CTNNA3: variants seen among roughly 807,000 people sequenced by gnomAD.
CTNNA3 encodes the protein catenin alpha-3.
CTNNA3 carries 76 observed loss-of-function variants against 95.7 expected under a neutral mutation model. The ratio of observed to expected loss-of-function variants is 0.79; its 90% CI spans 0.66 to 0.96. The LOEUF (loss-of-function observed/expected upper bound fraction) is 0.96, where lower values mean the gene tolerates loss of function less well. Among genes scored for constraint, CTNNA3 ranks in the 40% least tolerant of loss-of-function variants. CTNNA3 has a pLI of 0.00. For missense variants in CTNNA3, 1,191 were observed against 1,089.8 expected (o/e 1.09, Z -1.31); for synonymous variants, 431 against 374.4 (o/e 1.15, Z -1.74).
chr10:66,932,332 G>A (rs755328854), intron 7 of CTNNA3, among the ~76,000 whole-genome samples: 7 of 152,076 alleles, frequency 4.6e-5, no homozygotes, highest in Non-Finnish European at 1.0e-4. Flanking sequence ...AACTCAAATC[G>A]TTTATTTAAA....
At position 66,927,741 on chromosome 10, in the gene CTNNA3, G is replaced by A; in HGVS notation, c.1048-152217C>T. 3.1e-6 allele frequency: 5 copies of A among 1,614,180 alleles called. No individual in the cohort carries two copies. The highest frequency in any genetic ancestry group is 4.2e-6 in the Non-Finnish European group (5 of 1,180,024). Reference sequence around the variant, plus strand: ...CTTTCAGTGGACCCAGTGTTTTCCAGTGTGTCCCGAATCTGCAGCGCCTCA... The same window carrying A: ...CTTTCAGTGGACCCAGTGTTTTCCAATGTGTCCCGAATCTGCAGCGCCTCA... On this transcript the variant is annotated intron_variant, in intron 7 of 17. Transcript: ENST00000433211. This position sits in a 1 kb window ranked among gnomAD's most constrained non-coding sequence, Gnocchi z 4.7.
chr10:67,468,451 T>G (rs1847688566), intron 5 of CTNNA3, among the ~76,000 whole-genome samples: 1 of 152,178 alleles, frequency 6.6e-6, no homozygotes, highest in Non-Finnish European at 1.5e-5. Context: ...TGTAGACATG[T>G]GACCACATAT....
At chr10:66,556,393 C>G (rs117811792) in intron 10 of CTNNA3, among the ~76,000 whole-genome samples, 1 of 151,914 alleles carries the variant, frequency 6.6e-6, no homozygotes, top group Admixed American at 6.6e-5. Flanking sequence ...ATCAGTATCG[C>G]GAAGAGATTT....
intron 10 of CTNNA3, among the ~76,000 whole-genome samples, chr10:66,613,316 T>C (rs563775349): frequency 5.0e-4 from 76 of 152,026 alleles, no homozygotes; most frequent in Non-Finnish European, 7.8e-4. Context: ...GCCTTAAAAT[T>C]CTTATTTCTC....
chr10:66,188,315 C>T (rs61285689), intron 13 of CTNNA3, among the ~76,000 whole-genome samples: 21,116 of 151,932 alleles, frequency 0.14, 2,430 homozygotes, highest in African/African-American at 0.32. Flanking sequence ...ACATTTGATT[C>T]CTAGACTTAT....
At chr10:66,458,956 A>T (rs2093511545) in intron 11 of CTNNA3, among the ~76,000 whole-genome samples, 1 of 152,070 alleles carries the variant, frequency 6.6e-6, no homozygotes, top group South Asian at 2.1e-4. Context: ...CTTGAACAAC[A>T]TGGGTCTGAA....
At chr10:67,046,374 A>G (rs899706197) in intron 7 of CTNNA3, among the ~76,000 whole-genome samples, 5 of 152,184 alleles carry the variant, frequency 3.3e-5, no homozygotes, top group Non-Finnish European at 5.9e-5. Context: ...ACAGCTTTTG[A>G]TCACTCAGTT....
chr10:67,622,300 TTATAAGAGA>T (rs1319056283), intron 2 of CTNNA3, among the ~76,000 whole-genome samples: 1 of 152,174 alleles, frequency 6.6e-6, no homozygotes, highest in African/African-American at 2.4e-5. Context: ...CACAATCAGT[TTATAAGAGA>T]ACAATTATAT....
At chr10:67,653,922 T>G (rs1244619609) in intron 1 of CTNNA3, among the ~76,000 whole-genome samples, 1 of 152,200 alleles carries the variant, frequency 6.6e-6, no homozygotes, top group Non-Finnish European at 1.5e-5. Context: ...AGTGCCTATG[T>G]TGGCCTCTTC....
At chr10:66,190,509 T>A (rs1322290837) in intron 13 of CTNNA3, among the ~76,000 whole-genome samples, 1 of 152,166 alleles carries the variant, frequency 6.6e-6, no homozygotes, top group Non-Finnish European at 1.5e-5. Flanking sequence ...TTAATCTATT[T>A]AGTAGATTAA....
chr10:66,658,624 G>A (rs572473055), intron 9 of CTNNA3, among the ~76,000 whole-genome samples: 15 of 152,212 alleles, frequency 9.9e-5, no homozygotes, highest in Non-Finnish European at 1.9e-4. Flanking sequence ...AGTAAAAAGC[G>A]GAAAAAAGAA....
intron 1 of CTNNA3, among the ~76,000 whole-genome samples, chr10:67,687,966 C>T (rs965063341): frequency 6.6e-6 from 1 of 152,182 alleles, no homozygotes; most frequent in Non-Finnish European, 1.5e-5. Flanking sequence ...GAATTTGCCC[C>T]TTTCTTCGAC....
chr10:66,473,521 T>C (rs1156538479), intron 11 of CTNNA3, among the ~76,000 whole-genome samples: 2 of 152,018 alleles, frequency 1.3e-5, no homozygotes, highest in Non-Finnish European at 2.9e-5. Context: ...TTTCTTTCCT[T>C]TTTTATTATT....
chr10:66,787,989 G>A (rs1182511871), intron 7 of CTNNA3, among the ~76,000 whole-genome samples: 1 of 152,054 alleles, frequency 6.6e-6, no homozygotes, highest in Non-Finnish European at 1.5e-5. Flanking sequence ...ATCCAAAGCT[G>A]TTACTACCAC....
At chr10:66,026,744 T>C (rs2079347854) in intron 15 of CTNNA3, among the ~76,000 whole-genome samples, 2 of 152,166 alleles carry the variant, frequency 1.3e-5, no homozygotes, top group South Asian at 4.1e-4. Context: ...GTCATCTTAT[T>C]GGTCATCTTA....
intron 7 of CTNNA3, among the ~76,000 whole-genome samples, chr10:66,903,539 A>C (rs958434101): frequency 6.6e-6 from 1 of 152,212 alleles, no homozygotes; most frequent in Non-Finnish European, 1.5e-5. Context: ...ACAATTAGGC[A>C]AGAGAACGAA....
At chr10:66,092,587 T>C (rs1400255309) in intron 14 of CTNNA3, among the ~76,000 whole-genome samples, 2 of 152,102 alleles carry the variant, frequency 1.3e-5, no homozygotes, top group Admixed American at 6.6e-5. Flanking sequence ...AAAGAATGGA[T>C]GGCAGGCTAG....
intron 5 of CTNNA3, among the ~76,000 whole-genome samples, chr10:67,406,055 T>C (rs914995895): frequency 1.3e-5 from 2 of 152,144 alleles, no homozygotes; most frequent in African/African-American, 2.4e-5. Flanking sequence ...TAATAGTGAG[T>C]GAGTTCTCAG....
At chr10:66,530,915 A>C (rs1223058939) in intron 10 of CTNNA3, among the ~76,000 whole-genome samples, 1 of 152,136 alleles carries the variant, frequency 6.6e-6, no homozygotes, top group Non-Finnish European at 1.5e-5. Context: ...CTTTCTGTGA[A>C]AGTATATGCC....
Sources: allele counts gnomAD v4.1 joint callset (sites outside exome capture counted in the v4.1 genomes callset), GRCh38; gene constraint gnomAD v4.1.1; non-coding constraint Gnocchi (gnomAD v3.1); transcripts MANE v1.5; gene names NCBI Gene and HGNC (gene_info 2026-07-23, HGNC 2026-07-21).